The following NYAP2 variants were observed in gnomAD, a reference collection of about 807,000 sequenced individuals.
NYAP2 encodes the protein neuronal tyrosine-phosphorylated phosphoinositide-3-kinase adaptor 2, also known as neuronal tyrosine-phosphorylated phosphoinositide-3-kinase adapter 2.
In NYAP2, 23 loss-of-function variants were observed where a neutral mutation model predicts 50.4. The observed-to-expected ratio is 0.46, with a 90% confidence interval of 0.33 to 0.65. NYAP2 has a LOEUF of 0.65. NYAP2 is among the 30% of genes least tolerant of loss of function. NYAP2 has a pLI of 0.02. For synonymous variants in NYAP2, 394 were observed against 365.2 expected (o/e 1.08, Z -0.90); for missense variants, 885 against 861.0 (o/e 1.03, Z -0.35).
chr2:225,681,507 G>A, the NYAP2 span, among the ~76,000 whole-genome samples: 4 of 152,120 alleles, frequency 2.6e-5, no homozygotes, highest in African/African-American at 4.8e-5. Flanking sequence ...GGAGCTTTAC[G>A]GATTCTGGAA....
intron 5 of NYAP2, among the ~76,000 whole-genome samples, chr2:225,592,447 A>T (rs1341083450): frequency 6.6e-6 from 1 of 152,016 alleles, no homozygotes; most frequent in East Asian, 1.9e-4. Flanking sequence ...CCACCTCTTT[A>T]CTCTTTACAT....
intron 3 of NYAP2, among the ~76,000 whole-genome samples, chr2:225,509,104 C>T (rs796156604): frequency 2.3e-4 from 35 of 152,288 alleles, no homozygotes; most frequent in African/African-American, 8.2e-4. Context: ...CCTCCTCCAT[C>T]ATTCATCCTA....
At chr2:225,669,232 ACTCTAT>A in the NYAP2 span, among the ~76,000 whole-genome samples, 3 of 151,678 alleles carry the variant, frequency 2.0e-5, no homozygotes, top group East Asian at 1.9e-4. Context: ...ATTTTTCATG[ACTCTAT>A]CTCTTTCTTT....
chr2:225,605,655 T>C (rs1222988835), intron 5 of NYAP2, among the ~76,000 whole-genome samples: 1 of 152,068 alleles, frequency 6.6e-6, no homozygotes, highest in African/African-American at 2.4e-5. Flanking sequence ...GGAATAATCA[T>C]AATGTAAATA....
chr2:225,502,459 C>T (rs1441156884), intron 3 of NYAP2, among the ~76,000 whole-genome samples: 4 of 152,120 alleles, frequency 2.6e-5, no homozygotes, highest in Non-Finnish European at 5.9e-5. Context: ...GTGAGTTATT[C>T]TTGAACTATT....
intron 3 of NYAP2, among the ~76,000 whole-genome samples, chr2:225,418,801 C>A (rs561146569): frequency 5.3e-5 from 8 of 152,028 alleles, no homozygotes; most frequent in Non-Finnish European, 8.8e-5. Context: ...TTAGAAAAGT[C>A]AAAAATTTTG....
intron 5 of NYAP2, among the ~76,000 whole-genome samples, chr2:225,599,012 A>C (rs1692653708): frequency 6.6e-6 from 1 of 152,058 alleles, no homozygotes; most frequent in Admixed American, 6.6e-5. Context: ...GTTGGTGTAA[A>C]ATGTGTGTTT....
At chr2:225,446,242 CTCTCTATATA>C (rs1311800422) in intron 3 of NYAP2, among the ~76,000 whole-genome samples, 105 of 110,236 alleles carry the variant, frequency 9.5e-4, no homozygotes, top group African/African-American at 3.1e-3. Flanking sequence ...CTCTCTCTCT[CTCTCTATATA>C]TATATATATA....
intron 4 of NYAP2, among the ~76,000 whole-genome samples, chr2:225,561,420 T>G (rs1246069608): frequency 6.6e-6 from 1 of 152,022 alleles, no homozygotes; most frequent in Non-Finnish European, 1.5e-5. Context: ...GCACAAAAGA[T>G]GAAGTTGGAA....
intron 4 of NYAP2, among the ~76,000 whole-genome samples, chr2:225,529,018 C>A (rs1375058660): frequency 6.6e-6 from 1 of 152,100 alleles, no homozygotes; most frequent in Admixed American, 6.6e-5. Flanking sequence ...TTTTGTCTGG[C>A]CTCAAACCTA....
intron 3 of NYAP2, among the ~76,000 whole-genome samples, chr2:225,461,795 C>T (rs965298164): frequency 2.0e-5 from 3 of 152,166 alleles, no homozygotes; most frequent in Non-Finnish European, 4.4e-5. Context: ...GAAAAATCTG[C>T]TAGGTTCTGA....
At position 225,603,096 on chromosome 2, in the gene NYAP2, T is replaced by A. The variant is rs568894306; in HGVS notation, c.1618+20061T>A. On this transcript the variant is annotated intron_variant, in intron 5 of 6. Transcript: ENST00000636099. ...TGAGGCGTCTTTCCATTTACTGAAA[T>A]TTTTTTAGCAATGTTTAAAGTTTTC... Among the ~76,000 whole-genome samples, 70 of 152,282 alleles carry A rather than the reference T, an allele frequency of 4.6e-4. No homozygotes were observed. The South Asian group carries it at 7.5e-3, about 16-fold the overall frequency.
chr2:225,409,429 C>G (rs913390920), intron 3 of NYAP2, among the ~76,000 whole-genome samples: 19 of 151,958 alleles, frequency 1.3e-4, no homozygotes, highest in Admixed American at 1.2e-3. Context: ...TTTAATAGCC[C>G]AAGATTGATG....
intron 5 of NYAP2, among the ~76,000 whole-genome samples, chr2:225,600,313 A>G (rs1361316869): frequency 6.6e-6 from 1 of 152,178 alleles, no homozygotes; most frequent in Non-Finnish European, 1.5e-5. Context: ...TCTGCAAAAT[A>G]TCTCAAGAAA....
At chr2:225,695,388 T>TA in the NYAP2 span, among the ~76,000 whole-genome samples, 1 of 151,916 alleles carries the variant, frequency 6.6e-6, no homozygotes, top group African/African-American at 2.4e-5. Context: ...TATTGGGACT[T>TA]AAAGAAGTTT....
At chr2:225,498,353 T>A (rs150456132) in intron 3 of NYAP2, among the ~76,000 whole-genome samples, 2 of 150,546 alleles carry the variant, frequency 1.3e-5, no homozygotes, top group South Asian at 4.2e-4. Flanking sequence ...AACTTGAGAT[T>A]TTTTTTTTCC....
chr2:225,629,213 C>T (rs1693267930), intron 6 of NYAP2, among the ~76,000 whole-genome samples: 1 of 152,122 alleles, frequency 6.6e-6, no homozygotes, highest in African/African-American at 2.4e-5. Flanking sequence ...TGCAGATGTC[C>T]AAGTGCAAGA....
intron 4 of NYAP2, among the ~76,000 whole-genome samples, chr2:225,564,940 G>A (rs1389019626): frequency 6.6e-6 from 1 of 151,936 alleles, no homozygotes; most frequent in Non-Finnish European, 1.5e-5. Context: ...GACCAGCCTG[G>A]GCAACATGGT....
At chr2:225,477,445 C>A (rs1044658696) in intron 3 of NYAP2, among the ~76,000 whole-genome samples, 5 of 151,892 alleles carry the variant, frequency 3.3e-5, no homozygotes, top group East Asian at 3.9e-4. Flanking sequence ...ACTGTGTTAG[C>A]CAGGATGGTC....
Sources: gnomAD v4.1 joint callset for allele counts (sites outside exome capture counted in the v4.1 genomes callset) on GRCh38, gnomAD v4.1.1 for gene constraint, MANE v1.5 for transcripts, NCBI Gene and HGNC (gene_info 2026-07-23, HGNC 2026-07-21) for gene names.